Variants in ITIH4 observed in about 807,000 individuals in gnomAD.
The protein encoded by ITIH4 is inter-alpha-trypsin inhibitor heavy chain 4.
A neutral mutation model predicts 111.8 loss-of-function variants in ITIH4; 79 were observed. That is an observed-to-expected ratio of 0.71 (90% CI 0.59 to 0.85). The LOEUF is 0.85. Among genes scored for constraint, ITIH4 ranks in the 40% least tolerant of loss-of-function variants. ITIH4 has a pLI of 0.00. For synonymous variants in ITIH4, 472 were observed against 468.3 expected, an observed-to-expected ratio of 1.01 and a Z score of -0.10; for missense variants, 1,065 against 1,195.8, an observed-to-expected ratio of 0.89 and a Z score of 1.61.
At position 52,819,464 on chromosome 3, in the gene ITIH4, T is replaced by C; in HGVS notation, c.2006A>G (p.Gln669Arg). ...NFRPGVLSSR[Q>R]LGLPGPPDVP... ...ATCAGGAGGTCCTGGGAGTCCAAGT[T>C]GCCTGGAGCTGAGAACCCCAGGTCT... Residue 669 changes from glutamine (Q) to arginine (R), a missense_variant, in exon 17 of 24, where the codon CAA becomes CGA. Gln to Arg is a conservative substitution (Grantham distance 43). Coordinates refer to ENST00000266041, the MANE Select transcript of ITIH4 (RefSeq NM_002218.5). The C allele has an allele frequency of 1.2e-6, 2 of 1,614,060 alleles. No homozygotes were observed. The highest frequency in any genetic ancestry group is 1.7e-6 in the Non-Finnish European group (2 of 1,179,994).
At chr3:52,829,507 C>T (rs1166371108) in intron 1 of ITIH4, among the ~76,000 whole-genome samples, 1 of 152,168 alleles carries the variant, frequency 6.6e-6, no homozygotes, top group East Asian at 1.9e-4. Flanking sequence ...TACAGCACCA[C>T]AGGGCAGGGG....
Position 52,824,736 on chromosome 3 carries a change from C to A in ITIH4, c.876+106G>T. On this transcript the variant is annotated intron_variant, in intron 7 of 23. Transcript: ENST00000266041. The surrounding 1 kb of genome is among the most constrained non-coding windows in gnomAD (Gnocchi z 4.3). ...CCTTGGTTCCTGAGAGCCACCCGCC[C>A]CATGGTGCCGAAAGGTGAAGCAAGG... 8.0e-7 allele frequency: 1 copy of A among 1,248,714 alleles called. No homozygotes were observed. Among genetic ancestry groups the A allele is most frequent in the Non-Finnish European group, 1.1e-6 (1 of 883,428 alleles). The allele number at this position is 1,248,714 out of a possible 1,614,324, so 77.4% of individuals were successfully genotyped here.
chr3:52,821,061 T>A lies in ITIH4; in HGVS notation c.1609A>T (p.Lys537Ter), dbSNP rs773053917. The change falls in exon 12 of 24, where the codon AAG (lysine) becomes TAG (stop). Residue 537 changes from lysine to a stop codon, truncating the protein, a stop_gained. Coordinates refer to ENST00000266041, the MANE Select transcript of ITIH4 (RefSeq NM_002218.5). LOFTEE classifies it high-confidence loss of function. ...TCCATGAAGTTGTGGAAGATATACT[T>A]GGGGCTCTGGAACTCCGCCTCCTGC... ...AEQEAEFQSP[K>*]YIFHNFMERL... 6.2e-7 allele frequency: 1 copy of A among 1,614,018 alleles called. No individual in the cohort carries two copies. The highest frequency in any genetic ancestry group is 8.5e-7 in the Non-Finnish European group (1 of 1,180,034).
rs1053500941 is a variant in ITIH4, at chr3:52,820,694, T to G, written c.1771A>C (p.Met591Leu). 4.3e-5 allele frequency: 70 copies of G among 1,613,976 alleles called. No homozygotes were observed. Among genetic ancestry groups the G allele is most frequent in the Non-Finnish European group, 5.8e-5 (69 of 1,179,992 alleles). Residue 591 changes from methionine to leucine, a missense_variant, in exon 13 of 24, where the codon ATG becomes CTG. Met to Leu is a conservative substitution (Grantham distance 15). Coordinates refer to ENST00000266041, the MANE Select transcript of ITIH4 (RefSeq NM_002218.5). ...TGGTCATCGGGTTTGGTGACTACCA[T>G]AGATGTGAGAGGCGTGACAAAGCTG... ...AYSFVTPLTSMVVTKPDDQEQ... is the reference protein window; with the variant it reads ...AYSFVTPLTSLVVTKPDDQEQ...
intron 5 of ITIH4, 50 bp downstream of exon 5, chr3:52,826,491 C>A: frequency 7.1e-7 from 1 of 1,414,244 alleles, no homozygotes. Flanking sequence ...TAGGGCTGGC[C>A]TGAAGGCAGG....
chr3:52,813,372 G>A lies in ITIH4; in HGVS notation c.*49C>T. 6.5e-7 allele frequency: 1 copy of A among 1,541,560 alleles called. No individual in the cohort carries two copies. The highest frequency in any genetic ancestry group is 2.2e-5 in the East Asian group (1 of 44,516). On this transcript the variant is annotated 3_prime_UTR_variant, in exon 24 of 24. Transcript: ENST00000266041. ...AGGCCCCAGAAGCGGCCCTGCAGTT[G>A]CAGGGGGAAGCCAAGTGTACAGGGT...
chr3:52,818,164 G>C lies in ITIH4; in HGVS notation c.2184C>G (p.Pro728=). 5 of 1,611,338 alleles carry C rather than the reference G, an allele frequency of 3.1e-6. No individual in the cohort carries two copies. Among genetic ancestry groups the C allele is most frequent in the Non-Finnish European group, 4.2e-6 (5 of 1,178,290 alleles). ...GCAGGATGGCAGAGGGAGCCTGTAT[G>C]GGGGCTGGGACAGCCGGGGCACGGC... ...ETTMTTQTPA[P]IQAPSAILPL... Residue 728 remains proline (P), a synonymous_variant, in exon 20 of 24, where the codon CCC becomes CCG. Transcript: ENST00000266041.
rs1394521411 is a variant in ITIH4 at position 52,824,342 on chromosome 3, TC to T, written c.1046-28del. On this transcript the variant is annotated intron_variant, in intron 8 of 23. Coordinates refer to ENST00000266041, the MANE Select transcript of ITIH4 (RefSeq NM_002218.5). The surrounding 1 kb of genome is among the most constrained non-coding windows in gnomAD (Gnocchi z 4.3). ...TGAGGAACACGCACTCTCAAGGTGG[TC>T]CCCAGCCAGGAGCCCTGGAAGCCCC... 1 of 1,611,548 alleles carries T rather than the reference TC, an allele frequency of 6.2e-7. No homozygotes were observed. The highest frequency in any genetic ancestry group is 8.5e-7 in the Non-Finnish European group (1 of 1,178,220).
Position 52,824,533 on chromosome 3 carries a change from G to A in ITIH4, c.909C>T (p.Asp303=). The A allele has an allele frequency of 6.2e-7, 1 of 1,613,722 alleles. No individual in the cohort carries two copies. The highest frequency in any genetic ancestry group is 8.5e-7 in the Non-Finnish European group (1 of 1,179,978). ...TREALIKILD[D]LSPRDQFNLI... ...GGTTGAACTGGTCTCTGGGGCTGAG[G>A]TCATCCAGGATCTTGATTAGGGCTT... The change falls in exon 8 of 24, where the codon GAC becomes GAT. Residue 303 remains aspartate (D), a synonymous_variant. Transcript: ENST00000266041. This position sits in a 1 kb window ranked among gnomAD's most constrained non-coding sequence, Gnocchi z 4.3.
intron 14 of ITIH4, 25 bp from the exon 15 acceptor site, chr3:52,820,015 T>C: frequency 6.2e-7 from 1 of 1,612,486 alleles, no homozygotes; most frequent in Non-Finnish European, 8.5e-7. Context: ...GACCTGGGTT[T>C]GCATCTTGCA....
chr3:52,819,864 G>A, intron 15 of ITIH4, 72 bp from the exon 16 acceptor site: 1 of 1,604,544 alleles, frequency 6.2e-7, no homozygotes, highest in Non-Finnish European at 8.5e-7. Context: ...GAGGAGCTGG[G>A]CAAGGCACTA....
At chr3:52,821,210 T>G in intron 11 of ITIH4, 80 bp from the exon 12 acceptor site, 1 of 1,526,612 alleles carries the variant, frequency 6.6e-7, no homozygotes, top group Non-Finnish European at 8.9e-7. Context: ...AGCTCTTCCA[T>G]GATTGGGGCT....
chr3:52,814,297 G>A lies in ITIH4; in HGVS notation c.2538C>T (p.Gly846=), dbSNP rs766057859. 1.9e-6 allele frequency: 3 copies of A among 1,614,044 alleles called. No homozygotes were observed. The South Asian group carries it at 3.3e-5, about 18-fold the overall frequency. Residue 846 remains glycine (G), a synonymous_variant, in exon 22 of 24, where the codon GGC becomes GGT. Transcript: ENST00000266041. ...LLSDPDKVTI[G]LLFWDGRGEG... is the part of the protein sequence containing the mutation. ...CCCCACGGCCATCCCAGAACAACAG[G>A]CCGATGGTCACTTTGTCTGGGTCAC...
At position 52,816,922 on chromosome 3, in the gene ITIH4, C is replaced by T. The variant is rs748664638; in HGVS notation, c.2433G>A (p.Ala811=). 27 of 1,614,028 alleles carry T rather than the reference C, an allele frequency of 1.7e-5. No individual in the cohort carries two copies. Among genetic ancestry groups the T allele is most frequent in the South Asian group, 1.1e-4 (10 of 91,080 alleles). ...VVVTRNRRSS[A]YKWKETLFSV... is the part of the protein sequence containing the mutation. Reference sequence around the variant, plus strand: ...AGAATAGCGTCTCCTTCCACTTGTACGCAGAGCTTCTTCGGTTCCGAGTCA... The same window carrying T: ...AGAATAGCGTCTCCTTCCACTTGTATGCAGAGCTTCTTCGGTTCCGAGTCA... Residue 811 remains alanine, a synonymous_variant, in exon 21 of 24, where the codon GCG becomes GCA. Transcript: ENST00000266041.
At chr3:52,827,482 G>T (rs1405490781) in intron 2 of ITIH4, among the ~76,000 whole-genome samples, 2 of 152,216 alleles carry the variant, frequency 1.3e-5, no homozygotes, top group African/African-American at 4.8e-5. Context: ...GCAGGGCCGG[G>T]CTAAATCCTG....
Position 52,823,587 on chromosome 3 carries a change from T to C in ITIH4, c.1508A>G (p.Asp503Gly), listed in dbSNP as rs1189277801. The change falls in exon 11 of 24, where the codon GAT becomes GGT. Residue 503 changes from aspartate (D) to glycine (G), a missense_variant. By Grantham distance (94) the Asp-to-Gly change is moderately conservative. Coordinates refer to ENST00000266041, the MANE Select transcript of ITIH4 (RefSeq NM_002218.5). The stretch of plus-strand genomic sequence containing the variant: ...CCCACTGACTGTGGCTGTGAGCACA[T>C]CAGGCCCCCGGTCCTGGAGCTTCCC... ...VAGKLQDRGPDVLTATVSGKL... is the reference protein window; with the variant it reads ...VAGKLQDRGPGVLTATVSGKL... 6.2e-7 allele frequency: 1 copy of C among 1,612,516 alleles called. No individual in the cohort carries two copies. The highest frequency in any genetic ancestry group is 1.7e-5 in the Admixed American group (1 of 59,830).
In ITIH4 at chr3:52,821,030, A is replaced by G. The variant is rs1418639084; in HGVS notation, c.1640T>C (p.Leu547Pro). The change falls in exon 12 of 24, where the codon CTC becomes CCC. Residue 547 changes from leucine (L) to proline (P), a missense_variant. Coordinates refer to ENST00000266041, the MANE Select transcript of ITIH4 (RefSeq NM_002218.5). ...KYIFHNFMER[L>P]WAYLTIQQLL... ...CTGCTGGATAGTCAGGTATGCCCAGAGCCTCTCCATGAAGTTGTGGAAGAT... is the reference window on the plus strand; with the variant it reads ...CTGCTGGATAGTCAGGTATGCCCAGGGCCTCTCCATGAAGTTGTGGAAGAT... 1.2e-6 allele frequency: 2 copies of G among 1,613,990 alleles called. No individual in the cohort carries two copies. Among genetic ancestry groups the G allele is most frequent in the Non-Finnish European group, 1.7e-6 (2 of 1,180,034 alleles).
intron 21 of ITIH4, among the ~76,000 whole-genome samples, chr3:52,815,980 C>A (rs957461747): frequency 6.6e-6 from 1 of 152,226 alleles, no homozygotes; most frequent in Non-Finnish European, 1.5e-5. Context: ...GCCACCACAC[C>A]GGGCGTAGAT....
chr3:52,818,964 A>G lies in ITIH4; in HGVS notation c.2078-428T>C, dbSNP rs543599903. ...GGCCTTCAGAGAGAGGAAGCTGGCA[A>G]GGACTGCTCCAAAGAGCGCTGTGAT... On this transcript the variant is annotated intron_variant, in intron 17 of 23. Coordinates refer to ENST00000266041, the MANE Select transcript of ITIH4 (RefSeq NM_002218.5). 6 of 284,524 alleles carry G rather than the reference A, an allele frequency of 2.1e-5. No individual in the cohort carries two copies. The Admixed American group carries it at 2.9e-4, about 14-fold the overall frequency. The allele number at this position is 284,524 out of a possible 1,614,324, so 17.6% of individuals were successfully genotyped here.
Sources: allele counts gnomAD v4.1 joint callset (sites outside exome capture counted in the v4.1 genomes callset), GRCh38; gene constraint gnomAD v4.1.1; non-coding constraint Gnocchi (gnomAD v3.1); transcripts MANE v1.5; gene names NCBI Gene and HGNC (gene_info 2026-07-23, HGNC 2026-07-21).